Variants in SNX29 observed in about 807,000 individuals in gnomAD.
SNX29 encodes the protein sorting nexin 29.
Under a neutral mutation model 102.1 loss-of-function variants are expected in SNX29, and 78 were observed. The ratio of observed to expected loss-of-function variants is 0.76; its 90% confidence interval spans 0.64 to 0.92. The LOEUF is 0.92. Among genes scored for constraint, SNX29 ranks in the 40% least tolerant of loss-of-function variants. The pLI is 0.00. For synonymous variants in SNX29, 580 were observed against 414.5 expected, an observed-to-expected ratio of 1.40 and a Z score of -4.85; for missense variants, 1,280 against 1,061.7, an observed-to-expected ratio of 1.21 and a Z score of -2.86.
At chr16:12,476,423 T>TAC (rs1567603465) in intron 18 of SNX29, among the ~76,000 whole-genome samples, 7 of 74,010 alleles carry the variant, frequency 9.5e-5, no homozygotes, top group Non-Finnish European at 1.8e-4. Context: ...CATATATATA[T>TAC]ATATATATAT....
chr16:12,060,544 A>G (rs978721299), intron 8 of SNX29, among the ~76,000 whole-genome samples: 2 of 152,254 alleles, frequency 1.3e-5, no homozygotes, highest in African/African-American at 2.4e-5. Context: ...TCAAGGTTGC[A>G]GTGAACTATG....
rs1598016666 is a variant in SNX29 at position 12,557,021 on chromosome 16, C to CCCG, written c.2319-11483_2319-11482insGCC. Among the ~76,000 whole-genome samples the CCCG allele has an allele frequency of 9.4e-5, 4 of 42,640 alleles. No homozygotes were observed. In the East Asian group the frequency reaches 1.8e-3, roughly 19 times the overall value. 28.0% of individuals were successfully genotyped at this position (42,640 alleles called of 152,430 possible). A position where few individuals can be genotyped will look rare whatever the true frequency, so the allele number is the denominator to read the frequency against. ...CACCACATCTGGCTAATTTACCCCC[C>CCCG]CCCCGCCCCAAGATGAGGTCTTGCT... On this transcript the variant is annotated intron_variant, in intron 20 of 20. Coordinates refer to ENST00000566228, the MANE Select transcript of SNX29 (RefSeq NM_032167.5).
intron 19 of SNX29, among the ~76,000 whole-genome samples, chr16:12,504,065 C>G (rs895850089): frequency 3.9e-5 from 6 of 152,144 alleles, no homozygotes; most frequent in South Asian, 2.1e-4. Context: ...CTGCCAAACC[C>G]CAGACCTCAG....
At position 12,387,410 on chromosome 16, in the gene SNX29, G is replaced by A. The variant is rs556784099; in HGVS notation, c.1900-11036G>A. On this transcript the variant is annotated intron_variant, in intron 16 of 20. Transcript: ENST00000566228. ...GAGAGCAATGAGGAGAATCGTTGGC[G>A]TCTCAGAAGTGGAGAACAGGTTCCC... 3.3e-5 allele frequency among the ~76,000 whole-genome samples: 5 copies of A among 152,230 alleles called. No homozygotes were observed. The East Asian group carries it at 5.8e-4, about 18-fold the overall frequency.
chr16:12,535,362 C>T (rs546354009), intron 20 of SNX29, among the ~76,000 whole-genome samples: 3 of 152,346 alleles, frequency 2.0e-5, no homozygotes, highest in South Asian at 2.1e-4. Flanking sequence ...TCTCGAACTC[C>T]TGGCCTCAAG....
At chr16:12,080,095 G>C (rs1289904285) in intron 11 of SNX29, among the ~76,000 whole-genome samples, 1 of 152,072 alleles carries the variant, frequency 6.6e-6, no homozygotes, top group Non-Finnish European at 1.5e-5. Flanking sequence ...ATGGGCTCTT[G>C]GTACAAAAAC....
chr16:12,332,515 T>G (rs1176681047), intron 15 of SNX29, among the ~76,000 whole-genome samples: 2 of 152,062 alleles, frequency 1.3e-5, no homozygotes, highest in Non-Finnish European at 2.9e-5. Context: ...GACTCTATCC[T>G]CCCCCGTCCT....
At chr16:12,541,669 T>G (rs1328126660) in intron 20 of SNX29, among the ~76,000 whole-genome samples, 1 of 152,214 alleles carries the variant, frequency 6.6e-6, no homozygotes, top group Non-Finnish European at 1.5e-5. Context: ...GCAGCCGTGC[T>G]GACACCCGTT....
At chr16:12,037,524 T>C (rs921991667) in intron 4 of SNX29, among the ~76,000 whole-genome samples, 1 of 152,096 alleles carries the variant, frequency 6.6e-6, no homozygotes, top group Non-Finnish European at 1.5e-5. Flanking sequence ...AAGTTGCATA[T>C]GCCATGGTTC....
At chr16:12,145,618 TG>T (rs1340394467) in intron 13 of SNX29, among the ~76,000 whole-genome samples, 3 of 152,256 alleles carry the variant, frequency 2.0e-5, no homozygotes, top group Admixed American at 2.0e-4. Flanking sequence ...TTATTATTTA[TG>T]GGGCATTTTA....
intron 16 of SNX29, among the ~76,000 whole-genome samples, chr16:12,378,659 G>T (rs910366558): frequency 6.6e-6 from 1 of 152,152 alleles, no homozygotes; most frequent in Non-Finnish European, 1.5e-5. Context: ...AACATTGGGG[G>T]ATGAATTTCA....
chr16:12,215,986 G>A (rs1000335623), intron 14 of SNX29, among the ~76,000 whole-genome samples: 2 of 152,122 alleles, frequency 1.3e-5, no homozygotes, highest in African/African-American at 2.4e-5. Flanking sequence ...TGCCTTCTGG[G>A]CAAAATGAAG....
intron 18 of SNX29, among the ~76,000 whole-genome samples, chr16:12,421,686 C>G (rs1217740682): frequency 1.3e-5 from 2 of 152,154 alleles, no homozygotes; most frequent in African/African-American, 4.8e-5. Context: ...TGTCATCAAC[C>G]ATGATCACCA....
intron 20 of SNX29, chr16:12,527,077 G>C (rs1019331500): frequency 1.6e-5 from 7 of 439,332 alleles, no homozygotes; most frequent in African/African-American, 1.2e-4. Context: ...CTAGACCCCA[G>C]TTGAAATTAA....
chr16:12,530,822 C>G (rs934562554), intron 20 of SNX29, among the ~76,000 whole-genome samples: 2 of 152,204 alleles, frequency 1.3e-5, no homozygotes, highest in African/African-American at 4.8e-5. Context: ...TCCCAAAGTG[C>G]TGGGATTACA....
rs192515705 is a variant in SNX29 at position 12,497,313 on chromosome 16, C to G, written c.2178+19454C>G. ...CCTGTATTGAATATCTATCATACAC[C>G]AAGTCTCGTGGCCTTGGAGACGAAT... On this transcript the variant is annotated intron_variant, in intron 19 of 20. Transcript: ENST00000566228. 3.5e-3 allele frequency among the ~76,000 whole-genome samples: 529 copies of G among 152,254 alleles called. 3 individuals carry two copies. Among genetic ancestry groups the G allele is most frequent in the African/African-American group, 0.012 (488 of 41,540 alleles).
chr16:12,085,305 A>G (rs1233308289), intron 11 of SNX29, among the ~76,000 whole-genome samples: 3 of 152,096 alleles, frequency 2.0e-5, no homozygotes, highest in Non-Finnish European at 2.9e-5. Flanking sequence ...TTTGTTTTGG[A>G]GGCCCCATAT....
intron 20 of SNX29, among the ~76,000 whole-genome samples, chr16:12,565,320 C>T (rs1404760543): frequency 1.3e-5 from 2 of 152,186 alleles, no homozygotes; most frequent in Non-Finnish European, 2.9e-5. Context: ...GTCCACTGTG[C>T]TCAGCAGTCT....
intron 14 of SNX29, among the ~76,000 whole-genome samples, chr16:12,254,911 C>G (rs1013759822): frequency 6.6e-6 from 1 of 152,044 alleles, no homozygotes; most frequent in Non-Finnish European, 1.5e-5. Flanking sequence ...CTGGAGAGGG[C>G]GAGTGGAGAC....
Sources: gnomAD v4.1 joint callset for allele counts (sites outside exome capture counted in the v4.1 genomes callset) on GRCh38, gnomAD v4.1.1 for gene constraint, MANE v1.5 for transcripts, NCBI Gene and HGNC (gene_info 2026-07-23, HGNC 2026-07-21) for gene names.